Variants in ARHGEF9 observed in about 807,000 individuals in gnomAD.
The protein encoded by ARHGEF9 is Cdc42 guanine nucleotide exchange factor 9, also known as rho guanine nucleotide exchange factor 9.
A neutral mutation model predicts 41.3 loss-of-function variants in ARHGEF9; 2 were observed. The observed-to-expected ratio is 0.05, with a 90% confidence interval of 0.02 to 0.15. ARHGEF9 has a LOEUF of 0.15. Ranked by LOEUF, ARHGEF9 falls within the 10% of genes least tolerant of loss-of-function variation. ARHGEF9 has a pLI of 1.00. For missense variants in ARHGEF9, 225 were observed against 424.7 expected (o/e 0.53, Z 4.13); for synonymous variants, 160 against 154.4 (o/e 1.04, Z -0.27).
At chrX:63,754,785 T>C in intron 1 of ARHGEF9, 3 of 952,785 alleles carry the variant, frequency 3.1e-6, no homozygotes, top group Non-Finnish European at 3.9e-6. Flanking sequence ...GTTCCCCCCT[T>C]CTCAGGATTG....
At chrX:63,681,739 T>C (rs1307089087) in intron 4 of ARHGEF9, among the ~76,000 whole-genome samples, 1 of 110,431 alleles carries the variant, frequency 9.1e-6, no homozygotes, top group Non-Finnish European at 1.9e-5. Flanking sequence ...TCAAAGCAGA[T>C]ATAAATCAGA....
intron 9 of ARHGEF9, chrX:63,641,580 C>G (rs2047636708): frequency 9.0e-6 from 1 of 111,209 alleles, no homozygotes; most frequent in Non-Finnish European, 1.9e-5. Context: ...TTAACCAACT[C>G]CTGGTTGCTT....
In ARHGEF9 at chrX:63,637,113, A is replaced by G; in HGVS notation, c.*915T>C. 3.4e-6 allele frequency: 1 copy of G among 297,573 alleles called. No individual in the cohort carries two copies. The highest frequency in any genetic ancestry group is 2.0e-4 in the South Asian group (1 of 5,028). 24.5% of individuals were successfully genotyped at this position (297,573 alleles called of 1,213,427 possible). A position where few individuals can be genotyped will look rare whatever the true frequency, so the allele number is the denominator to read the frequency against. The stretch of plus-strand genomic sequence containing the variant: ...GAGACCTATAACAAAAGTGACTTGA[A>G]AAAAGAGAATAACTCGATCAAACTA... On this transcript the variant is annotated 3_prime_UTR_variant, in exon 10 of 10. Transcript: ENST00000671741.
At chrX:63,679,861 T>C (rs1323833548) in intron 4 of ARHGEF9, among the ~76,000 whole-genome samples, 2 of 111,425 alleles carry the variant, frequency 1.8e-5, no homozygotes, top group African/African-American at 3.3e-5. Flanking sequence ...AAAAAGGAAA[T>C]AGACAGAATA....
At chrX:63,644,128 A>G (rs1308836341) in intron 8 of ARHGEF9, 80 bp from the exon 9 acceptor site, 4 of 703,747 alleles carry the variant, frequency 5.7e-6, no homozygotes, top group Non-Finnish European at 6.1e-6. Flanking sequence ...ACTTTTCTGT[A>G]AGAAAGATTT....
chrX:63,714,900 C>T (rs782222700), intron 2 of ARHGEF9, among the ~76,000 whole-genome samples: 71 of 111,645 alleles, frequency 6.4e-4, no homozygotes, highest in Non-Finnish European at 6.4e-4. Flanking sequence ...TCTTATACCC[C>T]AAATGCCACC....
At chrX:63,769,997 G>A (rs2056177689) in intron 1 of ARHGEF9, among the ~76,000 whole-genome samples, 3 of 111,425 alleles carry the variant, frequency 2.7e-5, no homozygotes, top group South Asian at 3.8e-4. Flanking sequence ...GTGAGAAGAG[G>A]GCCACTGTCC....
intron 1 of ARHGEF9, among the ~76,000 whole-genome samples, chrX:63,781,759 A>C (rs1602761433): frequency 8.9e-6 from 1 of 111,805 alleles, no homozygotes. Flanking sequence ...AATGGCTCCC[A>C]ATCTCACTCA....
chrX:63,662,557 CAT>C (rs1395665572), intron 7 of ARHGEF9, among the ~76,000 whole-genome samples: 2 of 111,885 alleles, frequency 1.8e-5, no homozygotes, highest in African/African-American at 6.5e-5. Flanking sequence ...GTAATAATGA[CAT>C]AAATATTACC....
At chrX:63,762,628 TAGGG>T (rs2056053144) in intron 1 of ARHGEF9, among the ~76,000 whole-genome samples, 1 of 111,686 alleles carries the variant, frequency 9.0e-6, no homozygotes, top group Non-Finnish European at 1.9e-5. Context: ...TGTGGACTGA[TAGGG>T]AGAGATTTTG....
At chrX:63,717,829 A>C (rs782674960) in intron 2 of ARHGEF9, among the ~76,000 whole-genome samples, 1 of 111,788 alleles carries the variant, frequency 8.9e-6, no homozygotes, top group South Asian at 3.8e-4. Flanking sequence ...TAATGATGAG[A>C]TCACTGAAGC....
At chrX:63,661,506 T>A (rs2049217971) in intron 7 of ARHGEF9, among the ~76,000 whole-genome samples, 1 of 110,652 alleles carries the variant, frequency 9.0e-6, no homozygotes, top group Non-Finnish European at 1.9e-5. Flanking sequence ...ACGAAGAAAA[T>A]AATAAAACAC....
At chrX:63,709,940 T>A (rs189291183) in intron 2 of ARHGEF9, among the ~76,000 whole-genome samples, 1 of 111,489 alleles carries the variant, frequency 9.0e-6, no homozygotes, top group East Asian at 2.8e-4. Flanking sequence ...CCCATATCTT[T>A]AATGTGCATT....
At chrX:63,642,730 T>C (rs2047717933) in intron 9 of ARHGEF9, 1 of 111,867 alleles carries the variant, frequency 8.9e-6, no homozygotes, top group South Asian at 3.8e-4. Flanking sequence ...GGTGACTCAT[T>C]CAGAACCACA....
At chrX:63,641,465 A>G (rs2047629557) in intron 9 of ARHGEF9, 1 of 111,658 alleles carries the variant, frequency 9.0e-6, no homozygotes, top group African/African-American at 3.3e-5. Context: ...GTATTTAGAC[A>G]CTGGGAGACA....
At chrX:63,743,194 C>T (rs1556428737) in intron 1 of ARHGEF9, among the ~76,000 whole-genome samples, 1 of 59,224 alleles carries the variant, frequency 1.7e-5, no homozygotes, top group Non-Finnish European at 3.1e-5. Context: ...CAGAGCAAGA[C>T]TCCATCTCAA....
At position 63,636,105 on chromosome X, in the gene ARHGEF9, C is replaced by A. The variant is rs1189528909; in HGVS notation, c.*1923G>T. 8.9e-6 allele frequency: 1 copy of A among 112,045 alleles called. No homozygotes were observed. The highest frequency in any genetic ancestry group is 3.2e-5 in the African/African-American group (1 of 30,797). 9.2% of individuals were successfully genotyped at this position (112,045 alleles called of 1,213,427 possible). ...TTCCCACAAAGAAAAGATTCCCAGG[C>A]TGGGCAATGCCTGGTCTGGATCAGG... On this transcript the variant is annotated 3_prime_UTR_variant, in exon 10 of 10. Transcript: ENST00000671741.
chrX:63,651,209 G>C (rs1556328449), intron 8 of ARHGEF9, among the ~76,000 whole-genome samples: 1 of 111,110 alleles, frequency 9.0e-6, no homozygotes, highest in Non-Finnish European at 1.9e-5. Context: ...TTACGGCAGT[G>C]TTTTTAAACC....
At chrX:63,784,188 C>T (rs1200513387) in intron 1 of ARHGEF9, among the ~76,000 whole-genome samples, 1 of 112,034 alleles carries the variant, frequency 8.9e-6, no homozygotes, top group African/African-American at 3.2e-5. Flanking sequence ...CTTCTAAGGC[C>T]CTTTTGCTTA....
Sources: gnomAD v4.1 joint callset for allele counts (sites outside exome capture counted in the v4.1 genomes callset) on GRCh38, gnomAD v4.1.1 for gene constraint, MANE v1.5 for transcripts, NCBI Gene and HGNC (gene_info 2026-07-23, HGNC 2026-07-21) for gene names.